DNAH11: variants seen among roughly 807,000 people sequenced by gnomAD.
DNAH11 encodes the protein axonemal beta dynein heavy chain 11.
DNAH11 carries 442 observed loss-of-function variants against 526.0 expected under a neutral mutation model. The ratio of observed to expected loss-of-function variants is 0.84; its 90% CI spans 0.78 to 0.91. The LOEUF (loss-of-function observed/expected upper bound fraction) is 0.91, where lower values mean the gene tolerates loss of function less well. Among genes scored for constraint, DNAH11 ranks in the 40% least tolerant of loss-of-function variants. The pLI, the probability that DNAH11 is intolerant of heterozygous loss-of-function variation, is 0.00. For missense variants in DNAH11, 6,989 were observed against 5,448.7 expected, an observed-to-expected ratio of 1.28 and a Z score of -8.90; for synonymous variants, 2,461 against 1,935.9, an observed-to-expected ratio of 1.27 and a Z score of -7.12.
At chr7:21,738,251 G>A (rs1357831757) in intron 46 of DNAH11, among the ~76,000 whole-genome samples, 2 of 152,166 alleles carry the variant, frequency 1.3e-5, no homozygotes, top group African/African-American at 4.8e-5. Flanking sequence ...TTGTGCCTCT[G>A]CACTCCAGCG....
In DNAH11 at chr7:21,894,712, A is replaced by G. The variant is rs765016952; in HGVS notation, c.12840A>G (p.Pro4280=). Residue 4280 remains proline, a synonymous_variant, in exon 78 of 82, where the codon CCA becomes CCG. Coordinates refer to ENST00000409508, the MANE Select transcript of DNAH11 (RefSeq NM_001277115.2). Reference sequence around the variant, plus strand: ...TGCAAAAAAATTCAAATAGAAGCCCATATGTTCTTGTTTGCTTCCAAGAAT... The same window carrying G: ...TGCAAAAAAATTCAAATAGAAGCCCGTATGTTCTTGTTTGCTTCCAAGAAT... ...EIMQKNSNRS[P]YVLVCFQECE... 9 of 1,613,778 alleles carry G rather than the reference A, an allele frequency of 5.6e-6. No homozygotes were observed. Among genetic ancestry groups the G allele is most frequent in the Non-Finnish European group, 4.2e-6 (5 of 1,179,858 alleles).
rs762025592 is a variant in DNAH11 at position 21,786,628 on chromosome 7, A to C, written c.9602A>C (p.Asn3201Thr). 9 of 1,611,638 alleles carry C rather than the reference A, an allele frequency of 5.6e-6. No homozygotes were observed. The highest frequency in any genetic ancestry group is 7.6e-6 in the Non-Finnish European group (9 of 1,178,378). ...TAALNTLNRVNLSELKAFPNP... is the reference protein window; with the variant it reads ...TAALNTLNRVTLSELKAFPNP... ...TTTCTGTGTGCTTTTCTTCAGGTCA[A>C]CCTCAGTGAGCTGAAAGCCTTTCCC... Residue 3201 changes from asparagine (N) to threonine (T), a missense_variant, in exon 59 of 82, where the codon AAC becomes ACC. Coordinates refer to ENST00000409508, the MANE Select transcript of DNAH11 (RefSeq NM_001277115.2).
Position 21,636,109 on chromosome 7 carries a change from AG to A in DNAH11, c.4725+16del. ...GCTGAATTTAAGGTTTGTCAAAGAC[AG>A]GCTGTATGCTATTCTAGCAAAGTTT... On this transcript the variant is annotated intron_variant, in intron 26 of 81. Coordinates refer to ENST00000409508, the MANE Select transcript of DNAH11 (RefSeq NM_001277115.2). The A allele has an allele frequency of 6.3e-7, 1 of 1,593,570 alleles. No homozygotes were observed. Among genetic ancestry groups the A allele is most frequent in the Non-Finnish European group, 8.6e-7 (1 of 1,166,700 alleles).
Position 21,658,916 on chromosome 7 carries a change from C to A in DNAH11, c.5213C>A (p.Pro1738Gln). 6.2e-7 allele frequency: 1 copy of A among 1,610,210 alleles called. No individual in the cohort carries two copies. Residue 1738 changes from proline to glutamine, a missense_variant, in exon 30 of 82, where the codon CCA becomes CAA. By Grantham distance (76) the Pro-to-Gln change is moderately conservative (BLOSUM62 -1). Coordinates refer to ENST00000409508, the MANE Select transcript of DNAH11 (RefSeq NM_001277115.2). ...KPRELWIFDF[P>Q]AQVALTSSQI... ...AGGGAACTGTGGATTTTTGATTTCC[C>A]AGCTCAGGTTGCACTAACCAGCTCA...
intron 25 of DNAH11, among the ~76,000 whole-genome samples, chr7:21,634,681 G>T (rs1460989944): frequency 1.3e-5 from 2 of 152,126 alleles, no homozygotes; most frequent in Non-Finnish European, 2.9e-5. Context: ...GGCAGGAGGA[G>T]GGTGAGGATC....
chr7:21,707,929 ACT>A, intron 40 of DNAH11, 94 bp downstream of exon 40: 1 of 1,323,088 alleles, frequency 7.6e-7, no homozygotes, highest in East Asian at 2.4e-5. Flanking sequence ...TCGCAGACTT[ACT>A]GTTTATGTGT....
chr7:21,704,518 C>T lies in DNAH11; in HGVS notation c.6358C>T (p.Leu2120=), dbSNP rs1784189493. 6.2e-7 allele frequency: 1 copy of T among 1,613,838 alleles called. No homozygotes were observed. The highest frequency in any genetic ancestry group is 1.3e-5 in the African/African-American group (1 of 75,026). The change falls in exon 38 of 82, where the codon CTG becomes TTG. Residue 2120 remains leucine (L), a synonymous_variant. Coordinates refer to ENST00000409508, the MANE Select transcript of DNAH11 (RefSeq NM_001277115.2). Reference sequence around the variant, plus strand: ...AGTGTTTCTGGGCCTGGTCGGTGACCTGTTTCCAGCCCTGGATGTGCCCCG... The same window carrying T: ...AGTGTTTCTGGGCCTGGTCGGTGACTTGTTTCCAGCCCTGGATGTGCCCCG... ...IPVFLGLVGD[L]FPALDVPRRR... is the part of the protein sequence containing the mutation.
At chr7:21,884,251 C>T in intron 75 of DNAH11, 40 bp from the exon 76 acceptor site, 15 of 1,559,956 alleles carry the variant, frequency 9.6e-6, no homozygotes, top group Non-Finnish European at 1.3e-5. Flanking sequence ...GAGGCAGACT[C>T]TGCACCCAGC....
intron 63 of DNAH11, among the ~76,000 whole-genome samples, chr7:21,810,134 G>C (rs7777566): frequency 0.41 from 62,960 of 151,984 alleles, 13,961 homozygotes; most frequent in East Asian, 0.82. Context: ...TTATATGTAA[G>C]TATAAAGTAG....
At chr7:21,801,346 A>G (rs1265891027) in intron 62 of DNAH11, 71 bp downstream of exon 62, 9 of 1,562,276 alleles carry the variant, frequency 5.8e-6, no homozygotes, top group Non-Finnish European at 7.9e-6. Flanking sequence ...ATTATTTGCC[A>G]TCAATAATAA....
intron 28 of DNAH11, among the ~76,000 whole-genome samples, chr7:21,645,497 G>T: frequency 6.6e-6 from 1 of 152,192 alleles, no homozygotes; most frequent in Admixed American, 6.5e-5. Context: ...CCAACGGCAT[G>T]AGAAGCTGAT....
At chr7:21,849,345 T>A (rs1782537235) in intron 66 of DNAH11, among the ~76,000 whole-genome samples, 1 of 152,250 alleles carries the variant, frequency 6.6e-6, no homozygotes, top group African/African-American at 2.4e-5. Flanking sequence ...TTATTACTGT[T>A]TTGAACAGAC....
chr7:21,898,198 C>A (rs1051648873), intron 79 of DNAH11, among the ~76,000 whole-genome samples: 1 of 152,184 alleles, frequency 6.6e-6, no homozygotes, highest in Non-Finnish European at 1.5e-5. Flanking sequence ...GAAATGTCTT[C>A]CTGCCTTTGC....
intron 66 of DNAH11, among the ~76,000 whole-genome samples, chr7:21,847,991 C>A (rs1200567001): frequency 6.6e-6 from 1 of 151,878 alleles, no homozygotes; most frequent in African/African-American, 2.4e-5. Flanking sequence ...TGGTGAAACC[C>A]CGTCTCTACT....
At chr7:21,773,255 T>C (rs1042695250) in intron 55 of DNAH11, among the ~76,000 whole-genome samples, 2 of 152,080 alleles carry the variant, frequency 1.3e-5, no homozygotes, top group Admixed American at 6.6e-5. Flanking sequence ...ATGATATTTT[T>C]CTCCCAGAAG....
intron 73 of DNAH11, 126 bp downstream of exon 73, chr7:21,869,117 T>C: frequency 7.3e-7 from 1 of 1,360,668 alleles, no homozygotes. Context: ...GTGCAAGCAG[T>C]ACTGTCAGTG....
chr7:21,720,885 GT>G, intron 44 of DNAH11, 29 bp downstream of exon 44: 2 of 1,604,076 alleles, frequency 1.2e-6, no homozygotes, highest in Non-Finnish European at 1.7e-6. Context: ...TACAGGACCA[GT>G]TTCCAGTTTT....
At chr7:21,817,582 A>T (rs1207004838) in intron 64 of DNAH11, among the ~76,000 whole-genome samples, 1 of 150,590 alleles carries the variant, frequency 6.6e-6, no homozygotes, top group Non-Finnish European at 1.5e-5. Context: ...AGTCCCAGCT[A>T]CTTGAGAGGC....
At chr7:21,724,960 C>A (rs1056474396) in intron 44 of DNAH11, among the ~76,000 whole-genome samples, 7 of 152,096 alleles carry the variant, frequency 4.6e-5, no homozygotes, top group Non-Finnish European at 2.9e-5. Flanking sequence ...TGGGACAGGT[C>A]ATCCTGTAGA....
Sources: gnomAD v4.1 joint callset for allele counts (sites outside exome capture counted in the v4.1 genomes callset) on GRCh38, gnomAD v4.1.1 for gene constraint, MANE v1.5 for transcripts, NCBI Gene and HGNC (gene_info 2026-07-23, HGNC 2026-07-21) for gene names.